DYNAP: variants seen among roughly 807,000 people sequenced by gnomAD.
The protein encoded by DYNAP is dynactin associated protein, also known as dynactin-associated protein.
In DYNAP, 7 loss-of-function variants were observed where a neutral mutation model predicts 8.5. The observed-to-expected ratio is 0.82, with a 90% CI of 0.47 to 1.54. The LOEUF (loss-of-function observed/expected upper bound fraction) is 1.54. DYNAP is among the 40% of genes most tolerant of loss of function. The pLI, the probability that DYNAP is intolerant of heterozygous loss-of-function variation, is 0.01. For missense variants in DYNAP, 256 were observed against 224.3 expected, an observed-to-expected ratio of 1.14 and a Z score of -0.90; for synonymous variants, 77 against 77.9, an observed-to-expected ratio of 0.99 and a Z score of 0.06.
At position 54,595,722 on chromosome 18, in the gene DYNAP, G is replaced by C. The variant is rs1400860669; in HGVS notation, c.222+619G>C. On this transcript the variant is annotated intron_variant, in intron 2 of 2. Transcript: ENST00000648945. The stretch of plus-strand genomic sequence containing the variant: ...GCTGAATGAACTTTACCTCACGACT[G>C]TATCTTTAAGTCTTCAGCCCTTGTA... Among the ~76,000 whole-genome samples, 3 of 152,178 alleles carry C rather than the reference G, an allele frequency of 2.0e-5. No individual in the cohort carries two copies. The East Asian group carries it at 5.8e-4, about 29-fold the overall frequency.
upstream of DYNAP, chr18:54,587,692 T>C (rs904147901): frequency 2.6e-6 from 1 of 391,302 alleles, no homozygotes; most frequent in Non-Finnish European, 4.5e-6. Flanking sequence ...TTTCTGAAAT[T>C]GTGTATCAGG....
the DYNAP span, among the ~76,000 whole-genome samples, chr18:54,576,172 G>A: frequency 6.6e-6 from 1 of 152,030 alleles, no homozygotes; most frequent in African/African-American, 2.4e-5. Flanking sequence ...TGGGTATTTG[G>A]ATTATAAATG....
At chr18:54,593,733 T>C (rs1463039513) in intron 1 of DYNAP, among the ~76,000 whole-genome samples, 1 of 152,196 alleles carries the variant, frequency 6.6e-6, no homozygotes, top group Admixed American at 6.6e-5. Flanking sequence ...TAGACCATCC[T>C]GAGCAACATA....
chr18:54,596,754 C>T (rs924102213), intron 2 of DYNAP, among the ~76,000 whole-genome samples: 2 of 152,030 alleles, frequency 1.3e-5, no homozygotes, highest in African/African-American at 4.8e-5. Flanking sequence ...TTATAGACTC[C>T]TCTCCCAGAT....
At position 54,598,176 on chromosome 18, in the gene DYNAP, A is replaced by G; in HGVS notation, c.*31A>G. The stretch of plus-strand genomic sequence containing the variant: ...ACAGCCATAGCCATCACTTCAACTG[A>G]AACTTCAACCTCTACCACTTCAACT... On this transcript the variant is annotated 3_prime_UTR_variant, in exon 3 of 3. Transcript: ENST00000648945. 2 of 1,574,546 alleles carry G rather than the reference A, an allele frequency of 1.3e-6. No individual in the cohort carries two copies. Among genetic ancestry groups the G allele is most frequent in the Non-Finnish European group, 1.7e-6 (2 of 1,158,024 alleles).
chr18:54,588,470 G>T (rs549217180), upstream of DYNAP, among the ~76,000 whole-genome samples: 1 of 152,112 alleles, frequency 6.6e-6, no homozygotes, highest in East Asian at 1.9e-4. Flanking sequence ...CTCCCAAAGT[G>T]CTGGGATTAC....
chr18:54,589,179 C>A (rs1259513673), upstream of DYNAP, among the ~76,000 whole-genome samples: 2 of 152,090 alleles, frequency 1.3e-5, no homozygotes, highest in Non-Finnish European at 2.9e-5. Context: ...CAATTCACTT[C>A]TTTATTGGAT....
rs149364141 is a variant in DYNAP at position 54,595,036 on chromosome 18, G to C, written c.155G>C (p.Gly52Ala). Residue 52 changes from glycine (G) to alanine (A), a missense_variant, in exon 2 of 3, where the codon GGG becomes GCG. Physicochemically the swap from Gly to Ala is moderately conservative, Grantham distance 60. Transcript: ENST00000648945. ...ITSDVSPNLT[G>A]VCVNPGILAH... Reference sequence around the variant, plus strand: ...AGTGATGTCTCTCCCAACTTAACTGGGGTCTGCGTGAACCCAGGAATCCTT... The same window carrying C: ...AGTGATGTCTCTCCCAACTTAACTGCGGTCTGCGTGAACCCAGGAATCCTT... The C allele has an allele frequency of 2.3e-5, 37 of 1,612,762 alleles. No individual in the cohort carries two copies. The highest frequency in any genetic ancestry group is 1.2e-4 in the African/African-American group (9 of 74,914).
intron 2 of DYNAP, 74 bp from the exon 3 acceptor site, chr18:54,597,736 TATA>T (rs973165910): frequency 7.0e-7 from 1 of 1,434,134 alleles, no homozygotes; most frequent in African/African-American, 1.4e-5. Flanking sequence ...CCCAATAAGT[TATA>T]AGTAATATAA....
In DYNAP at chr18:54,591,263, G is replaced by A; in HGVS notation, c.-20G>A. On this transcript the variant is annotated 5_prime_UTR_variant, in exon 1 of 3. It adds an upstream start codon to the 5' untranslated region. Coordinates refer to ENST00000648945, the MANE Select transcript of DYNAP (RefSeq NM_173629.3). ...GAAAAATATTCTTGGAGAGAAGCTTGTGATACTGGCAGCTCAAGAATGGAC... is the reference window on the plus strand; with the variant it reads ...GAAAAATATTCTTGGAGAGAAGCTTATGATACTGGCAGCTCAAGAATGGAC... The A allele has an allele frequency of 1.2e-6, 2 of 1,612,776 alleles. No homozygotes were observed. The highest frequency in any genetic ancestry group is 8.5e-7 in the Non-Finnish European group (1 of 1,179,202).
chr18:54,588,551 C>A (rs1318267017), upstream of DYNAP, among the ~76,000 whole-genome samples: 2 of 152,028 alleles, frequency 1.3e-5, no homozygotes, highest in Non-Finnish European at 2.9e-5. Context: ...GTCAGTATAA[C>A]CATATTTAAA....
chr18:54,597,080 T>C (rs1319920766), intron 2 of DYNAP, among the ~76,000 whole-genome samples: 2 of 152,154 alleles, frequency 1.3e-5, no homozygotes. Flanking sequence ...AAATAATCTG[T>C]TGGACTCCAA....
chr18:54,582,155 A>G, the DYNAP span, among the ~76,000 whole-genome samples: 150,762 of 152,228 alleles, frequency 0.99, 74,657 homozygotes, highest in Middle Eastern at 1. Flanking sequence ...GCGTGGTGGC[A>G]GGTGCCTGTA....
the DYNAP span, among the ~76,000 whole-genome samples, chr18:54,582,058 G>A: frequency 3.3e-5 from 5 of 152,162 alleles, no homozygotes; most frequent in Non-Finnish European, 5.9e-5. Flanking sequence ...AAGCCGAGGC[G>A]GGAGGATCAC....
chr18:54,578,285 A>C, the DYNAP span, among the ~76,000 whole-genome samples: 2 of 152,360 alleles, frequency 1.3e-5, no homozygotes. Flanking sequence ...TCTGCTAGAC[A>C]GGATGCTCAG....
At position 54,599,140 on chromosome 18, in the gene DYNAP, G is replaced by A. The variant is rs940184737; in HGVS notation, c.*995G>A. The A allele has an allele frequency of 6.6e-6, 1 of 152,022 alleles. No individual in the cohort carries two copies. Among genetic ancestry groups the A allele is most frequent in the Non-Finnish European group, 1.5e-5 (1 of 67,994 alleles). 9.4% of individuals were successfully genotyped at this position (152,022 alleles called of 1,614,324 possible). A position where few individuals can be genotyped will look rare whatever the true frequency, so the allele number is the denominator to read the frequency against. ...ATATATAAAACCAAACTGTACCTTA[G>A]CCACTTTGGACACATGTTCTCAGGA... On this transcript the variant is annotated 3_prime_UTR_variant, in exon 3 of 3. Coordinates refer to ENST00000648945, the MANE Select transcript of DYNAP (RefSeq NM_173629.3).
At position 54,598,128 on chromosome 18, in the gene DYNAP, C is replaced by G. The variant is rs761337198; in HGVS notation, c.538C>G (p.Pro180Ala). The G allele has an allele frequency of 6.2e-7, 1 of 1,609,244 alleles. No individual in the cohort carries two copies. The highest frequency in any genetic ancestry group is 1.7e-5 in the Admixed American group (1 of 59,786). ...TTSTEPITVA[P>A]TDHL Reference sequence around the variant, plus strand: ...TTCCACAGAACCTATAACTGTTGCACCTACCGATCATTTATAATTTGAACA... The same window carrying G: ...TTCCACAGAACCTATAACTGTTGCAGCTACCGATCATTTATAATTTGAACA... Residue 180 changes from proline to alanine, a missense_variant, in exon 3 of 3, where the codon CCT becomes GCT. Pro to Ala is a conservative substitution (Grantham distance 27). Coordinates refer to ENST00000648945, the MANE Select transcript of DYNAP (RefSeq NM_173629.3).
At chr18:54,587,022 G>A (rs1341837771), upstream of DYNAP, among the ~76,000 whole-genome samples, 4 of 151,960 alleles carry the variant, frequency 2.6e-5, no homozygotes, top group African/African-American at 9.7e-5. Flanking sequence ...TGAGTAAAAG[G>A]TACAGAGAGG....
the DYNAP span, among the ~76,000 whole-genome samples, chr18:54,578,673 G>C: frequency 6.6e-6 from 1 of 152,074 alleles, no homozygotes; most frequent in Admixed American, 6.6e-5. Flanking sequence ...TCTTTCGCCT[G>C]GTTTTAAGAG....
Sources: gnomAD v4.1 joint callset for allele counts (sites outside exome capture counted in the v4.1 genomes callset) on GRCh38, gnomAD v4.1.1 for gene constraint, MANE v1.5 for transcripts, NCBI Gene and HGNC (gene_info 2026-07-23, HGNC 2026-07-21) for gene names.